The following NKAIN3 variants were observed in gnomAD, a reference collection of about 807,000 sequenced individuals.
NKAIN3 encodes sodium/potassium transporting ATPase interacting 3.
In NKAIN3, 25 loss-of-function variants were observed where a neutral mutation model predicts 30.2. That is an observed-to-expected ratio of 0.83 (90% CI 0.60 to 1.16). The LOEUF is 1.16. Among genes scored for constraint, NKAIN3 ranks in the 50% most tolerant of loss-of-function variants. The pLI, the probability that NKAIN3 is intolerant of heterozygous loss-of-function variation, is 0.00. For synonymous variants in NKAIN3, 91 were observed against 89.6 expected, an observed-to-expected ratio of 1.02 and a Z score of -0.09; for missense variants, 225 against 254.1, an observed-to-expected ratio of 0.89 and a Z score of 0.78.
rs150825952 is a variant in NKAIN3, at chr8:62,845,829, T to G, written c.472-72624T>G. Among the ~76,000 whole-genome samples the G allele has an allele frequency of 1.8e-3, 271 of 152,234 alleles. 1 individual carries two copies. In the Middle Eastern group the frequency reaches 0.02, roughly 11 times the overall value. On this transcript the variant is annotated intron_variant, in intron 4 of 6. Transcript: ENST00000623646. The stretch of plus-strand genomic sequence containing the variant: ...AGACAGGCTTTGTTCTGACCAATCC[T>G]TTTTGTTCACCACACACCCAAACTG...
intron 5 of NKAIN3, among the ~76,000 whole-genome samples, chr8:62,946,306 C>A (rs1178744398): frequency 1.3e-5 from 2 of 152,118 alleles, no homozygotes; most frequent in African/African-American, 4.8e-5. Flanking sequence ...CCCAGCAGAC[C>A]CATCATGGTG....
intron 3 of NKAIN3, among the ~76,000 whole-genome samples, chr8:62,598,677 C>T (rs1810907136): frequency 6.6e-6 from 1 of 151,980 alleles, no homozygotes; most frequent in African/African-American, 2.4e-5. Context: ...CTAACTGTCT[C>T]CTCTCTCTAA....
intron 1 of NKAIN3, among the ~76,000 whole-genome samples, chr8:62,568,170 A>G (rs887786588): frequency 7.2e-5 from 11 of 152,198 alleles, no homozygotes; most frequent in African/African-American, 2.4e-4. Context: ...TTCTTCCTAC[A>G]TTTTATGATA....
chr8:62,305,129 T>C lies in NKAIN3; in HGVS notation c.54+56002T>C, dbSNP rs1028851020. Among the ~76,000 whole-genome samples, 26 of 150,566 alleles carry C rather than the reference T, an allele frequency of 1.7e-4. 2 individuals carry two copies. Among genetic ancestry groups the C allele is most frequent in the African/African-American group, 6.3e-4 (25 of 39,936 alleles). Reference sequence around the variant, plus strand: ...GCAATGGTTATTCTTAGTGTGTGGTTACATTTATCATAGCATGTTACTCAC... The same window carrying C: ...GCAATGGTTATTCTTAGTGTGTGGTCACATTTATCATAGCATGTTACTCAC... On this transcript the variant is annotated intron_variant, in intron 1 of 6. Transcript: ENST00000623646.
At chr8:62,883,579 G>C (rs59772607) in intron 4 of NKAIN3, among the ~76,000 whole-genome samples, 206 of 149,584 alleles carry the variant, frequency 1.4e-3, no homozygotes, top group African/African-American at 4.9e-3. Flanking sequence ...CATTAGCTAA[G>C]AATTTAAGTA....
At chr8:62,274,585 AT>A (rs774103415) in intron 1 of NKAIN3, among the ~76,000 whole-genome samples, 23 of 151,132 alleles carry the variant, frequency 1.5e-4, no homozygotes, top group Non-Finnish European at 2.2e-4. Context: ...CTGGAAATTC[AT>A]TTTTTTTTAA....
intron 1 of NKAIN3, among the ~76,000 whole-genome samples, chr8:62,332,138 C>T (rs887573674): frequency 9.2e-5 from 14 of 152,050 alleles, no homozygotes; most frequent in African/African-American, 2.4e-4. Context: ...GAAAAGGGAA[C>T]GTGTGAAATC....
At chr8:62,856,712 T>C (rs1490652721) in intron 4 of NKAIN3, 20 of 728,368 alleles carry the variant, frequency 2.7e-5, no homozygotes, top group Non-Finnish European at 3.5e-5. Context: ...AACGTTTTTG[T>C]TCCTGCTGCC....
chr8:62,903,008 G>A lies in NKAIN3; in HGVS notation c.472-15445G>A, dbSNP rs893518357. Among the ~76,000 whole-genome samples, 3 of 152,182 alleles carry A rather than the reference G, an allele frequency of 2.0e-5. No homozygotes were observed. The East Asian group carries it at 5.8e-4, about 29-fold the overall frequency. On this transcript the variant is annotated intron_variant, in intron 4 of 6. Coordinates refer to ENST00000623646, the MANE Select transcript of NKAIN3 (RefSeq NM_001304533.3). ...TGTGCAGAGTGTCTGCATCACAGAA[G>A]TATGTCACTGAAAGTCTTATCTTTC...
intron 1 of NKAIN3, among the ~76,000 whole-genome samples, chr8:62,408,557 A>T (rs147949243): frequency 1.3e-3 from 194 of 152,322 alleles, no homozygotes; most frequent in African/African-American, 4.6e-3. Flanking sequence ...GATCTTTAAA[A>T]ACTGTGTTGT....
chr8:62,459,278 G>T (rs1413860640), intron 1 of NKAIN3, among the ~76,000 whole-genome samples: 1 of 152,136 alleles, frequency 6.6e-6, no homozygotes, highest in Non-Finnish European at 1.5e-5. Context: ...CAGAAGTCTA[G>T]GTCAGCTGAG....
intron 1 of NKAIN3, among the ~76,000 whole-genome samples, chr8:62,541,293 G>C (rs916636164): frequency 1.3e-5 from 2 of 152,118 alleles, no homozygotes; most frequent in Non-Finnish European, 2.9e-5. Context: ...ACTCCAGCCT[G>C]GGTTACAGAG....
At chr8:62,862,635 A>G (rs1820287163) in intron 4 of NKAIN3, among the ~76,000 whole-genome samples, 1 of 152,210 alleles carries the variant, frequency 6.6e-6, no homozygotes. Flanking sequence ...AATAGATTCA[A>G]TAGTTTTTAA....
At chr8:62,797,888 AAGG>A in intron 4 of NKAIN3, among the ~76,000 whole-genome samples, 1 of 152,290 alleles carries the variant, frequency 6.6e-6, no homozygotes, top group Non-Finnish European at 1.5e-5. Flanking sequence ...ACCCTCACAC[AAGG>A]AGAATGCCAT....
intron 4 of NKAIN3, among the ~76,000 whole-genome samples, chr8:62,799,285 A>C (rs1385292770): frequency 6.6e-6 from 1 of 152,228 alleles, no homozygotes; most frequent in African/African-American, 2.4e-5. Flanking sequence ...AAATCTTCAT[A>C]ATCTATACAT....
At chr8:62,848,716 T>A (rs779945218) in intron 4 of NKAIN3, among the ~76,000 whole-genome samples, 3 of 152,190 alleles carry the variant, frequency 2.0e-5, no homozygotes, top group Non-Finnish European at 2.9e-5. Flanking sequence ...TGAATAGTAG[T>A]GGTGAGAGAG....
At chr8:62,741,220 C>A (rs1815858346) in intron 3 of NKAIN3, among the ~76,000 whole-genome samples, 1 of 151,960 alleles carries the variant, frequency 6.6e-6, no homozygotes, top group Non-Finnish European at 1.5e-5. Context: ...ATTCTCTTTT[C>A]TATTGTCCTT....
chr8:62,374,113 C>CAAAAAAAAAAAAAAAAAAAAAAA (rs66521184), intron 1 of NKAIN3, among the ~76,000 whole-genome samples: 1 of 64,332 alleles, frequency 1.6e-5, no homozygotes. Context: ...ACTCCATCTC[C>CAAAAAAAAAAAAAAAAAAAAAAA]AAAAAAAAAA....
intron 3 of NKAIN3, among the ~76,000 whole-genome samples, chr8:62,625,862 G>A (rs1811772243): frequency 6.6e-6 from 1 of 151,906 alleles, no homozygotes; most frequent in Non-Finnish European, 1.5e-5. Flanking sequence ...ACTTGGAGCA[G>A]GAAAGACAAA....
Sources: gnomAD v4.1 joint callset for allele counts (sites outside exome capture counted in the v4.1 genomes callset) on GRCh38, gnomAD v4.1.1 for gene constraint, MANE v1.5 for transcripts, NCBI Gene and HGNC (gene_info 2026-07-23, HGNC 2026-07-21) for gene names.